Variants in NOTUM observed in about 807,000 individuals in gnomAD.
The protein encoded by NOTUM is notum, palmitoleoyl-protein carboxylesterase, also known as palmitoleoyl-protein carboxylesterase NOTUM.
NOTUM carries 36 observed loss-of-function variants against 65.5 expected under a neutral mutation model. The ratio of observed to expected loss-of-function variants is 0.55; its 90% CI spans 0.42 to 0.73. NOTUM has a LOEUF of 0.73. NOTUM is among the 30% of genes least tolerant of loss of function. The probability of loss-of-function intolerance (pLI) is 0.00; values close to 1 mark genes in which losing one functional copy is unlikely to be tolerated. For missense variants in NOTUM, 659 were observed against 694.2 expected (o/e 0.95, Z 0.57); for synonymous variants, 356 against 297.9 (o/e 1.20, Z -2.01).
At chr17:81,957,760 A>C in intron 6 of NOTUM, 46 bp downstream of exon 6, 1 of 1,352,340 alleles carries the variant, frequency 7.4e-7, no homozygotes, top group Non-Finnish European at 1.0e-6. Context: ...TGCACCCTGC[A>C]CACCGTCCTC....
chr17:81,958,830 A>AC, intron 4 of NOTUM, 105 bp downstream of exon 4: 2 of 839,500 alleles, frequency 2.4e-6, no homozygotes, highest in South Asian at 3.0e-5. Flanking sequence ...CCAGAACAGG[A>AC]CCCCCAGGAA....
At chr17:81,954,397 A>T in intron 9 of NOTUM, 94 bp from the exon 10 acceptor site, 1 of 818,082 alleles carries the variant, frequency 1.2e-6, no homozygotes, top group Admixed American at 2.4e-5. Flanking sequence ...CCTGGCCATC[A>T]CCCCTTCCTG....
intron 4 of NOTUM, 38 bp downstream of exon 4, chr17:81,958,897 C>CA (rs1384739414): frequency 6.5e-7 from 1 of 1,541,050 alleles, no homozygotes; most frequent in Admixed American, 1.7e-5. Flanking sequence ...AACCACCCTC[C>CA]AGGCAGGACT....
chr17:81,959,314 A>G (rs778643810), intron 3 of NOTUM, 157 bp downstream of exon 3: 8 of 638,710 alleles, frequency 1.3e-5, no homozygotes, highest in South Asian at 1.2e-4. Flanking sequence ...ATGGGCCCCA[A>G]AAGGCAAGAG....
Position 81,953,173 on chromosome 17 carries a change from T to C in NOTUM, c.1279A>G (p.Thr427Ala), listed in dbSNP as rs141138398. The change falls in exon 11 of 11, where the codon ACC becomes GCC. Residue 427 changes from threonine to alanine, a missense_variant. Thr to Ala is a moderately conservative substitution (Grantham distance 58). Transcript: ENST00000409678. ...SLHDSHKASKTPLKGCPVHLV... is the reference protein window; with the variant it reads ...SLHDSHKASKAPLKGCPVHLV... ...TGGACGGGGCAGCCCTTGAGGGGGG[T>C]CTTGCTGGCCTTGTGGCTGTCATGG... The C allele has an allele frequency of 1.8e-3, 2,853 of 1,612,290 alleles. 7 individuals are homozygous for C. The highest frequency in any genetic ancestry group is 2.3e-3 in the Non-Finnish European group (2,690 of 1,179,406).
At chr17:81,958,635 A>G (rs1366088321) in intron 4 of NOTUM, among the ~76,000 whole-genome samples, 1 of 151,904 alleles carries the variant, frequency 6.6e-6, no homozygotes. Context: ...CCCAGGAAAG[A>G]AGGACCATCC....
Position 81,959,570 on chromosome 17 carries a change from C to G in NOTUM, c.377-4G>C. 6.5e-7 allele frequency: 1 copy of G among 1,548,322 alleles called. No homozygotes were observed. The highest frequency in any genetic ancestry group is 8.7e-7 in the Non-Finnish European group (1 of 1,146,082). On this transcript the variant is annotated splice_region_variant and splice_polypyrimidine_tract_variant and intron_variant, in intron 2 of 10. Coordinates refer to ENST00000409678, the MANE Select transcript of NOTUM (RefSeq NM_178493.6). ...CGGTTGAAGCAGTACCAGCCGCCTGCGGACACGACCGCCGCTCAGGCCCGC... is the reference window on the plus strand; with the variant it reads ...CGGTTGAAGCAGTACCAGCCGCCTGGGGACACGACCGCCGCTCAGGCCCGC...
chr17:81,955,228 G>A (rs1045963290), intron 9 of NOTUM, among the ~76,000 whole-genome samples, 169 bp downstream of exon 9: 1 of 152,150 alleles, frequency 6.6e-6, no homozygotes, highest in Non-Finnish European at 1.5e-5. Flanking sequence ...TGATCCACCT[G>A]CATGGGCCTC....
At chr17:81,954,210 G>C (rs766627462) in intron 10 of NOTUM, 46 bp downstream of exon 10, 1 of 1,418,172 alleles carries the variant, frequency 7.1e-7, no homozygotes, top group Non-Finnish European at 1.0e-6. Context: ...GTGGACTTTT[G>C]AAGTTGATGT....
At position 81,953,187 on chromosome 17, in the gene NOTUM, T is replaced by A; in HGVS notation, c.1265A>T (p.His422Leu). Residue 422 changes from histidine (H) to leucine (L), a missense_variant, in exon 11 of 11, where the codon CAC becomes CTC. His to Leu is a moderately conservative substitution (Grantham distance 99). Coordinates refer to ENST00000409678, the MANE Select transcript of NOTUM (RefSeq NM_178493.6). ...CTTGAGGGGGGTCTTGCTGGCCTTG[T>A]GGCTGTCATGGAGGCTCCTGTCCCA... ...HCWDRSLHDS[H>L]KASKTPLKGC... 6.2e-7 allele frequency: 1 copy of A among 1,613,066 alleles called. No homozygotes were observed. Among genetic ancestry groups the A allele is most frequent in the Non-Finnish European group, 8.5e-7 (1 of 1,179,704 alleles).
intron 10 of NOTUM, among the ~76,000 whole-genome samples, chr17:81,953,772 C>CTTTTTT (rs35740276): frequency 3.5e-5 from 5 of 141,550 alleles, no homozygotes; most frequent in African/African-American, 2.6e-5. Flanking sequence ...CAGCCTGAGT[C>CTTTTTT]TTTTTTTTTT....
In NOTUM at chr17:81,960,579, G is replaced by T; in HGVS notation, c.323+8C>A. Reference sequence around the variant, plus strand: ...GCGGGGCGGGGAGGTGCAGGGCGCGGGCCTTACCCGGCGGGGCTGCCGTCG... The same window carrying T: ...GCGGGGCGGGGAGGTGCAGGGCGCGTGCCTTACCCGGCGGGGCTGCCGTCG... On this transcript the variant is annotated splice_region_variant and intron_variant, in intron 1 of 10. Transcript: ENST00000409678. This position sits in a 1 kb window ranked among gnomAD's most constrained non-coding sequence, Gnocchi z 6.4. The T allele has an allele frequency of 1.3e-6, 2 of 1,487,516 alleles. No individual in the cohort carries two copies. The highest frequency in any genetic ancestry group is 1.8e-6 in the Non-Finnish European group (2 of 1,105,830). 92.1% of individuals were successfully genotyped at this position (1,487,516 alleles called of 1,614,324 possible). A position where few individuals can be genotyped will look rare whatever the true frequency, so the allele number is the denominator to read the frequency against.
chr17:81,959,792 CCG>C, intron 1 of NOTUM, 100 bp from the exon 2 acceptor site: 1 of 628,928 alleles, frequency 1.6e-6, no homozygotes, highest in Non-Finnish European at 2.2e-6. Flanking sequence ...CCTGTTCCGG[CCG>C]CGCGCGACGG....
rs1268135440 is a variant in NOTUM, at chr17:81,953,317, C to T, written c.1185-50G>A. The T allele has an allele frequency of 4.0e-6, 5 of 1,254,020 alleles. No individual in the cohort carries two copies. In the South Asian group the frequency reaches 4.1e-5, roughly 10 times the overall value. 77.7% of individuals were successfully genotyped at this position (1,254,020 alleles called of 1,614,324 possible). On this transcript the variant is annotated intron_variant, in intron 10 of 10. Transcript: ENST00000409678. ...GGTCACATGTGCGGAGTGGCATCAACACTGAGGCAGCTGTTTTTTTTTTTG... is the reference window on the plus strand; with the variant it reads ...GGTCACATGTGCGGAGTGGCATCAATACTGAGGCAGCTGTTTTTTTTTTTG...
At position 81,961,012 on chromosome 17, in the gene NOTUM, C is replaced by T; in HGVS notation, c.-103G>A. ...GGGCCGGGGGTGTCGGGGGCACTGG[C>T]CGCTCCTGCTCCCTCGCCCCCGCTC... On this transcript the variant is annotated 5_prime_UTR_variant, in exon 1 of 11. Coordinates refer to ENST00000409678, the MANE Select transcript of NOTUM (RefSeq NM_178493.6). 1 of 489,418 alleles carries T rather than the reference C, an allele frequency of 2.0e-6. No individual in the cohort carries two copies. The highest frequency in any genetic ancestry group is 2.9e-6 in the Non-Finnish European group (1 of 347,494). The allele number at this position is 489,418 out of a possible 1,614,324, so 30.3% of individuals were successfully genotyped here.
intron 10 of NOTUM, among the ~76,000 whole-genome samples, chr17:81,953,784 T>C (rs2041406639): frequency 6.6e-6 from 1 of 150,716 alleles, no homozygotes; most frequent in African/African-American, 2.4e-5. Flanking sequence ...TTTTTTTTTT[T>C]TCTTTTTTTT....
rs1202422186 is a variant in NOTUM, at chr17:81,955,410, G to A, written c.1123C>T (p.Leu375Phe). 4 of 1,586,052 alleles carry A rather than the reference G, an allele frequency of 2.5e-6. No homozygotes were observed. The highest frequency in any genetic ancestry group is 3.4e-6 in the Non-Finnish European group (4 of 1,166,800). Residue 375 changes from leucine (L) to phenylalanine (F), a missense_variant, in exon 9 of 11, where the codon CTC becomes TTC. Leu to Phe is a conservative substitution (Grantham distance 22). Coordinates refer to ENST00000409678, the MANE Select transcript of NOTUM (RefSeq NM_178493.6). ...QNLGRELRHT[L>F]KDVPASFAPA... Reference sequence around the variant, plus strand: ...CCACACACTCACGGCACGTCCTTGAGTGTGTGGCGCAGCTCGCGGCCGAGG... The same window carrying A: ...CCACACACTCACGGCACGTCCTTGAATGTGTGGCGCAGCTCGCGGCCGAGG...
At chr17:81,957,755 C>T in intron 6 of NOTUM, 51 bp downstream of exon 6, 1 of 1,307,730 alleles carries the variant, frequency 7.6e-7, no homozygotes, top group Non-Finnish European at 1.1e-6. Context: ...TTCCATGCAC[C>T]CTGCACACCG....
rs555285324 is a variant in NOTUM at position 81,955,124 on chromosome 17, C to T, written c.1136+273G>A. On this transcript the variant is annotated intron_variant, in intron 9 of 10. Transcript: ENST00000409678. ...CCTCTTGAGTAGCTGGGATTACAGGCGCCTGCCACTACACCGGACTAATTT... is the reference window on the plus strand; with the variant it reads ...CCTCTTGAGTAGCTGGGATTACAGGTGCCTGCCACTACACCGGACTAATTT... 2.0e-5 allele frequency among the ~76,000 whole-genome samples: 3 copies of T among 152,192 alleles called. No individual in the cohort carries two copies. The South Asian group carries it at 6.2e-4, about 32-fold the overall frequency.
Sources: allele counts gnomAD v4.1 joint callset (sites outside exome capture counted in the v4.1 genomes callset), GRCh38; gene constraint gnomAD v4.1.1; non-coding constraint Gnocchi (gnomAD v3.1); transcripts MANE v1.5; gene names NCBI Gene and HGNC (gene_info 2026-07-23, HGNC 2026-07-21).